ASCC3: variants seen among roughly 807,000 people sequenced by gnomAD.
ASCC3 encodes ASC-1 complex subunit P200.
ASCC3 carries 158 observed loss-of-function variants against 256.3 expected under a neutral mutation model. That is an observed-to-expected ratio of 0.62 (90% CI 0.54 to 0.70). The LOEUF is 0.70. ASCC3 is among the 30% of genes least tolerant of loss of function. ASCC3 has a pLI of 0.00. For missense variants in ASCC3, 2,259 were observed against 2,626.0 expected, an observed-to-expected ratio of 0.86 and a Z score of 3.05; for synonymous variants, 948 against 883.4, an observed-to-expected ratio of 1.07 and a Z score of -1.30.
At chr6:100,732,902 T>C (rs1473801857) in intron 10 of ASCC3, among the ~76,000 whole-genome samples, 5 of 152,070 alleles carry the variant, frequency 3.3e-5, no homozygotes, top group Non-Finnish European at 7.4e-5. Context: ...TTCTGTTATT[T>C]CCCCCTCCAT....
intron 10 of ASCC3, among the ~76,000 whole-genome samples, chr6:100,751,426 A>G (rs746031883): frequency 1.8e-4 from 27 of 151,964 alleles, no homozygotes; most frequent in Non-Finnish European, 1.6e-4. Context: ...TAAATAAGGA[A>G]AGACATCCCA....
At chr6:100,674,124 C>T (rs1049212636) in intron 14 of ASCC3, among the ~76,000 whole-genome samples, 5 of 151,594 alleles carry the variant, frequency 3.3e-5, no homozygotes, top group Admixed American at 6.6e-5. Context: ...GGAATAAGAC[C>T]CTTGGCTTGG....
At chr6:100,584,855 C>T (rs1208544225) in intron 36 of ASCC3, among the ~76,000 whole-genome samples, 1 of 152,054 alleles carries the variant, frequency 6.6e-6, no homozygotes, top group Non-Finnish European at 1.5e-5. Context: ...CTTAGTTTGG[C>T]TGGATATGAA....
At chr6:100,750,630 T>A (rs1306723249) in intron 10 of ASCC3, among the ~76,000 whole-genome samples, 1 of 152,014 alleles carries the variant, frequency 6.6e-6, no homozygotes, top group Non-Finnish European at 1.5e-5. Flanking sequence ...GATCTACATC[T>A]CCTTATAACT....
intron 13 of ASCC3, among the ~76,000 whole-genome samples, chr6:100,692,905 CTT>C (rs969547225): frequency 3.9e-5 from 6 of 151,954 alleles, no homozygotes; most frequent in African/African-American, 1.4e-4. Flanking sequence ...CTTTGAAATA[CTT>C]TTTTTATAAA....
At chr6:100,812,046 CATA>C (rs929471823) in intron 4 of ASCC3, among the ~76,000 whole-genome samples, 1 of 152,124 alleles carries the variant, frequency 6.6e-6, no homozygotes, top group Non-Finnish European at 1.5e-5. Flanking sequence ...TAACTGTGGA[CATA>C]CCCAAAGATG....
chr6:100,729,645 G>A (rs1386242461), intron 10 of ASCC3, among the ~76,000 whole-genome samples: 1 of 152,128 alleles, frequency 6.6e-6, no homozygotes, highest in Non-Finnish European at 1.5e-5. Flanking sequence ...AGTTATACAA[G>A]TCATATTGAT....
At chr6:100,807,062 A>T (rs1426588510) in intron 4 of ASCC3, among the ~76,000 whole-genome samples, 1 of 151,922 alleles carries the variant, frequency 6.6e-6, no homozygotes, top group Non-Finnish European at 1.5e-5. Flanking sequence ...TCCAAGCCTA[A>T]AGAACTCTCC....
At chr6:100,858,557 C>A (rs1319722359) in intron 3 of ASCC3, 1 of 981,522 alleles carries the variant, frequency 1.0e-6, no homozygotes, top group African/African-American at 1.8e-5. Flanking sequence ...TTTTTCTCTA[C>A]TGAATCATGT....
intron 1 of ASCC3, among the ~76,000 whole-genome samples, chr6:100,869,459 T>A (rs1773632688): frequency 6.6e-6 from 1 of 152,186 alleles, no homozygotes; most frequent in Non-Finnish European, 1.5e-5. Flanking sequence ...AGAAATTTTT[T>A]AATAATGAAT....
At chr6:100,751,699 C>T (rs1780951790) in intron 10 of ASCC3, among the ~76,000 whole-genome samples, 1 of 152,140 alleles carries the variant, frequency 6.6e-6, no homozygotes, top group Non-Finnish European at 1.5e-5. Flanking sequence ...CCATTTACTG[C>T]TAACGCCAAG....
chr6:100,799,449 T>A lies in ASCC3; in HGVS notation c.1251A>T (p.Ala417=). The A allele has an allele frequency of 1.2e-6, 2 of 1,612,818 alleles. No homozygotes were observed. Among genetic ancestry groups the A allele is most frequent in the Non-Finnish European group, 1.7e-6 (2 of 1,179,426 alleles). ...DSQAEAMKTS[A]FIAGAKMILP... ...GACATACCTTTGCACCAGCAATAAA[T>A]GCTGATGTTTTCATGGCTTCAGCCT... The change falls in exon 7 of 42, where the codon GCA becomes GCT. Residue 417 remains alanine, a synonymous_variant. Transcript: ENST00000369162.
intron 10 of ASCC3, among the ~76,000 whole-genome samples, chr6:100,744,876 G>T (rs78678678): frequency 1.6e-4 from 24 of 152,286 alleles, no homozygotes; most frequent in African/African-American, 5.5e-4. Context: ...TGTCAAAATT[G>T]GTTCAAGAAT....
chr6:100,741,816 G>C (rs1025783052), intron 10 of ASCC3, among the ~76,000 whole-genome samples: 2 of 152,082 alleles, frequency 1.3e-5, no homozygotes, highest in Non-Finnish European at 2.9e-5. Context: ...CTTTGTACTA[G>C]GCTACAACAT....
At chr6:100,565,352 G>A (rs1224059483) in intron 36 of ASCC3, among the ~76,000 whole-genome samples, 1 of 152,092 alleles carries the variant, frequency 6.6e-6, no homozygotes, top group African/African-American at 2.4e-5. Flanking sequence ...TCAAAGAAGT[G>A]CTAATCCATT....
intron 30 of ASCC3, among the ~76,000 whole-genome samples, chr6:100,618,692 T>C (rs908323020): frequency 4.6e-5 from 7 of 152,186 alleles, no homozygotes; most frequent in Non-Finnish European, 8.8e-5. Flanking sequence ...ATCTTACCCC[T>C]GAAACCAGAC....
chr6:100,761,846 A>C (rs1781436029), intron 10 of ASCC3, among the ~76,000 whole-genome samples: 1 of 152,192 alleles, frequency 6.6e-6, no homozygotes, highest in Non-Finnish European at 1.5e-5. Context: ...TTAAGCATAT[A>C]ATTTATAGAT....
intron 8 of ASCC3, among the ~76,000 whole-genome samples, chr6:100,772,733 C>T (rs190022363): frequency 1.3e-5 from 2 of 152,294 alleles, no homozygotes; most frequent in East Asian, 3.9e-4. Flanking sequence ...GGATACTGGG[C>T]TTACAGTCAG....
intron 39 of ASCC3, 34 bp from the exon 40 acceptor site, chr6:100,512,952 G>A (rs770021228): frequency 6.4e-7 from 1 of 1,570,784 alleles, no homozygotes; most frequent in East Asian, 2.2e-5. Flanking sequence ...AATAAAGGAG[G>A]AGTTTATGTG....
Sources: gnomAD v4.1 joint callset for allele counts (sites outside exome capture counted in the v4.1 genomes callset) on GRCh38, gnomAD v4.1.1 for gene constraint, MANE v1.5 for transcripts, NCBI Gene and HGNC (gene_info 2026-07-23, HGNC 2026-07-21) for gene names.